DFFB: variants seen among roughly 807,000 people sequenced by gnomAD.
DFFB encodes the protein DNA fragmentation factor subunit beta.
DFFB carries 29 observed loss-of-function variants against 32.7 expected under a neutral mutation model. The ratio of observed to expected loss-of-function variants is 0.89; its 90% confidence interval spans 0.66 to 1.21. DFFB has a LOEUF of 1.21. Among genes scored for constraint, DFFB ranks in the 50% most tolerant of loss-of-function variants. The probability of loss-of-function intolerance (pLI) is 0.00; values close to 1 mark genes in which losing one functional copy is unlikely to be tolerated. For synonymous variants in DFFB, 170 were observed against 177.1 expected (o/e 0.96, Z 0.32); for missense variants, 398 against 440.6 (o/e 0.90, Z 0.87).
At chr1:3,878,423 G>T (rs1645269465) in intron 6 of DFFB, among the ~76,000 whole-genome samples, 1 of 152,142 alleles carries the variant, frequency 6.6e-6, no homozygotes, top group Non-Finnish European at 1.5e-5. Flanking sequence ...AAGCGCTGGG[G>T]TTACAGGCGT....
At chr1:3,869,891 A>T in intron 5 of DFFB, 116 bp downstream of exon 5, 1 of 1,126,466 alleles carries the variant, frequency 8.9e-7, no homozygotes, top group Non-Finnish European at 1.2e-6. Context: ...AAGCCTTGTG[A>T]AGAGGTACAG....
intron 5 of DFFB, 129 bp from the exon 6 acceptor site, chr1:3,872,343 G>A: frequency 1.5e-6 from 1 of 645,616 alleles, no homozygotes; most frequent in South Asian, 1.9e-5. Context: ...AACACGGGAG[G>A]CGGAGGTTGT....
At chr1:3,871,648 C>T (rs1298121387) in intron 5 of DFFB, among the ~76,000 whole-genome samples, 3 of 152,220 alleles carry the variant, frequency 2.0e-5, no homozygotes, top group East Asian at 3.9e-4. Context: ...CCAGCCCCCA[C>T]GGGGTGCGTC....
intron 6 of DFFB, 96 bp downstream of exon 6, chr1:3,872,668 C>G: frequency 1.8e-6 from 2 of 1,110,618 alleles, no homozygotes; most frequent in Non-Finnish European, 2.7e-6. Context: ...CCTGCCACGG[C>G]CCTGTCCCTG....
At chr1:3,882,294 A>G (rs1645356147) in intron 6 of DFFB, among the ~76,000 whole-genome samples, 1 of 151,714 alleles carries the variant, frequency 6.6e-6, no homozygotes, top group Non-Finnish European at 1.5e-5. Flanking sequence ...GCCTCAAGTG[A>G]TCACCCACCT....
intron 3 of DFFB, 151 bp downstream of exon 3, chr1:3,866,151 A>T (rs901164589): frequency 2.8e-6 from 2 of 725,130 alleles, no homozygotes; most frequent in African/African-American, 3.5e-5. Context: ...CTCATTTCCC[A>T]GCATTTCCCA....
At chr1:3,872,428 G>A (rs768683309) in intron 5 of DFFB, 44 bp from the exon 6 acceptor site, 53 of 1,322,016 alleles carry the variant, frequency 4.0e-5, no homozygotes, top group South Asian at 1.1e-4. Flanking sequence ...AAAAAAAAAA[G>A]AGACTCACTT....
intron 6 of DFFB, among the ~76,000 whole-genome samples, chr1:3,882,766 G>A (rs896440808): frequency 2.0e-5 from 3 of 152,204 alleles, no homozygotes; most frequent in East Asian, 3.8e-4. Flanking sequence ...CCTCTGAGGG[G>A]AAGGAGGGAC....
chr1:3,878,910 A>G (rs1219646666), intron 6 of DFFB, among the ~76,000 whole-genome samples: 1 of 152,126 alleles, frequency 6.6e-6, no homozygotes, highest in Non-Finnish European at 1.5e-5. Context: ...TGTTTCTTCC[A>G]CGAGTGGCTG....
rs1352067224 is a variant in DFFB at position 3,857,653 on chromosome 1, G to A, written c.50G>A (p.Arg17Lys). The A allele has an allele frequency of 6.2e-7, 1 of 1,601,080 alleles. No homozygotes were observed. The highest frequency in any genetic ancestry group is 8.5e-7 in the Non-Finnish European group (1 of 1,174,368). Residue 17 changes from arginine (R) to lysine (K), a missense_variant, in exon 1 of 7, where the codon AGG becomes AAG. Arg to Lys is a conservative substitution (Grantham distance 26). Coordinates refer to ENST00000378209, the MANE Select transcript of DFFB (RefSeq NM_004402.4). ...AAGCTGCGGGCCCTGCGCAGCCCGA[G>A]GAAGTTCGGCGTGGCTGGCCGGAGC... ...SVKLRALRSP[R>K]KFGVAGRSCQ...
chr1:3,873,150 A>G (rs1002455215), intron 6 of DFFB: 16 of 255,052 alleles, frequency 6.3e-5, no homozygotes, highest in African/African-American at 3.6e-4. Flanking sequence ...GCTCGCCACC[A>G]TGCCTGGCTG....
rs921189029 is a variant in DFFB, at chr1:3,865,007, A to C, written c.242-805A>C. 6.6e-6 allele frequency among the ~76,000 whole-genome samples: 1 copy of C among 152,116 alleles called. No homozygotes were observed. The highest frequency in any genetic ancestry group is 1.5e-5 in the Non-Finnish European group (1 of 68,028). ...CACCCCACAAACAAAATACCTGGAC[A>C]TGAGTTCTTTGTCAGACATGTGGTT... On this transcript the variant is annotated intron_variant, in intron 2 of 6. Coordinates refer to ENST00000378209, the MANE Select transcript of DFFB (RefSeq NM_004402.4). The surrounding 1 kb of genome is among the most constrained non-coding windows in gnomAD (Gnocchi z 4.7).
At chr1:3,858,248 A>G (rs1644798667) in intron 1 of DFFB, among the ~76,000 whole-genome samples, 1 of 152,216 alleles carries the variant, frequency 6.6e-6, no homozygotes, top group African/African-American at 2.4e-5. Context: ...TGACCAGTGC[A>G]GAGTAACAGG....
intron 5 of DFFB, among the ~76,000 whole-genome samples, chr1:3,871,999 A>T (rs536698634): frequency 6.6e-6 from 1 of 151,812 alleles, no homozygotes; most frequent in South Asian, 2.1e-4. Flanking sequence ...TGAGAAATCC[A>T]CCCCCAGGAT....
At chr1:3,872,365 A>G in intron 5 of DFFB, 107 bp from the exon 6 acceptor site, 1 of 768,468 alleles carries the variant, frequency 1.3e-6, no homozygotes, top group Non-Finnish European at 2.2e-6. Context: ...GTAAGCCGAG[A>G]TCGGGCCACT....
At chr1:3,863,863 A>G (rs1644923890) in intron 2 of DFFB, among the ~76,000 whole-genome samples, 1 of 152,154 alleles carries the variant, frequency 6.6e-6, no homozygotes, top group Non-Finnish European at 1.5e-5. Flanking sequence ...GCTAAAGAGT[A>G]TGAGGTTTCT....
chr1:3,867,703 G>C (rs1331247794), intron 3 of DFFB: 1 of 387,480 alleles, frequency 2.6e-6, no homozygotes, highest in Non-Finnish European at 4.8e-6. Flanking sequence ...CATTTAAAAA[G>C]TGAGCCAGGT....
intron 3 of DFFB, among the ~76,000 whole-genome samples, chr1:3,866,958 C>T (rs901509867): frequency 1.3e-5 from 2 of 152,084 alleles, no homozygotes; most frequent in African/African-American, 2.4e-5. Flanking sequence ...TGCAGTGGCG[C>T]GATCTTGGCT....
At chr1:3,858,977 C>A in intron 2 of DFFB, 133 bp downstream of exon 2, 1 of 1,339,666 alleles carries the variant, frequency 7.5e-7, no homozygotes. Context: ...AGGAGGAAGC[C>A]CTCTGGAGGC....
Sources: allele counts gnomAD v4.1 joint callset (sites outside exome capture counted in the v4.1 genomes callset), GRCh38; gene constraint gnomAD v4.1.1; non-coding constraint Gnocchi (gnomAD v3.1); transcripts MANE v1.5; gene names NCBI Gene and HGNC (gene_info 2026-07-23, HGNC 2026-07-21).